Variants in GRID1 observed in about 807,000 individuals in gnomAD.
GRID1 encodes glutamate receptor ionotropic, delta-1.
A neutral mutation model predicts 98.0 loss-of-function variants in GRID1; 28 were observed. That is an observed-to-expected ratio of 0.29 (90% CI 0.21 to 0.39). The LOEUF is 0.39. Ranked by LOEUF, GRID1 falls within the 10% of genes least tolerant of loss-of-function variation. The pLI, the probability that GRID1 is intolerant of heterozygous loss-of-function variation, is 1.00. For synonymous variants in GRID1, 553 were observed against 538.5 expected (o/e 1.03, Z -0.37); for missense variants, 1,111 against 1,340.5 (o/e 0.83, Z 2.67).
At chr10:85,645,090 T>A (rs1843168873) in intron 13 of GRID1, among the ~76,000 whole-genome samples, 1 of 152,236 alleles carries the variant, frequency 6.6e-6, no homozygotes, top group Admixed American at 6.5e-5. Context: ...GTGACCTACC[T>A]TTCTATTTTA....
At chr10:86,043,883 G>A (rs1282583101) in intron 4 of GRID1, among the ~76,000 whole-genome samples, 1 of 152,182 alleles carries the variant, frequency 6.6e-6, no homozygotes, top group Non-Finnish European at 1.5e-5. Context: ...ATATGAGCAT[G>A]TGAGATTTCA....
At chr10:86,141,798 A>G (rs1188739805) in intron 3 of GRID1, among the ~76,000 whole-genome samples, 2 of 152,346 alleles carry the variant, frequency 1.3e-5, no homozygotes, top group South Asian at 2.1e-4. Context: ...TCATCACAGA[A>G]AGTCCTATTG....
intron 5 of GRID1, among the ~76,000 whole-genome samples, chr10:85,883,453 T>A (rs1351313996): frequency 6.6e-6 from 1 of 152,134 alleles, no homozygotes; most frequent in East Asian, 1.9e-4. Context: ...TCATGGTGAC[T>A]TTTTTCTTTC....
chr10:85,943,048 T>G (rs900750135), intron 4 of GRID1, among the ~76,000 whole-genome samples: 1 of 152,210 alleles, frequency 6.6e-6, no homozygotes, highest in Non-Finnish European at 1.5e-5. Flanking sequence ...AATCATTTGT[T>G]TCAAAAATAG....
At chr10:85,961,157 C>T (rs888221253) in intron 4 of GRID1, among the ~76,000 whole-genome samples, 7 of 152,096 alleles carry the variant, frequency 4.6e-5, no homozygotes, top group East Asian at 1.9e-4. Context: ...TTCACAGTAT[C>T]GCTCTGAGGA....
intron 4 of GRID1, among the ~76,000 whole-genome samples, chr10:86,112,101 A>G (rs1359344077): frequency 6.6e-6 from 1 of 152,164 alleles, no homozygotes; most frequent in Non-Finnish European, 1.5e-5. Context: ...ATGACTCAAC[A>G]CAGGAGTTGT....
intron 4 of GRID1, among the ~76,000 whole-genome samples, chr10:86,049,797 G>C (rs1843475515): frequency 6.6e-6 from 1 of 152,202 alleles, no homozygotes; most frequent in Non-Finnish European, 1.5e-5. Flanking sequence ...TTTGGGCTCT[G>C]CCTGCAACTC....
intron 2 of GRID1, among the ~76,000 whole-genome samples, chr10:86,248,869 C>T (rs923884110): frequency 6.6e-6 from 1 of 152,298 alleles, no homozygotes; most frequent in Non-Finnish European, 1.5e-5. Context: ...CTGGGCATGA[C>T]GATTCTTACC....
intron 4 of GRID1, among the ~76,000 whole-genome samples, chr10:86,083,289 G>T (rs564770253): frequency 2.6e-5 from 4 of 152,322 alleles, no homozygotes; most frequent in African/African-American, 9.6e-5. Flanking sequence ...AGGACTGGCG[G>T]GGAGAACTTG....
intron 13 of GRID1, among the ~76,000 whole-genome samples, chr10:85,626,359 G>A (rs532359802): frequency 6.6e-6 from 1 of 152,352 alleles, no homozygotes; most frequent in South Asian, 2.1e-4. Flanking sequence ...TTAGACTTAT[G>A]AAGTATGGAC....
At chr10:86,303,645 C>T (rs952571711) in intron 2 of GRID1, among the ~76,000 whole-genome samples, 3 of 152,254 alleles carry the variant, frequency 2.0e-5, no homozygotes, top group Admixed American at 2.0e-4. Flanking sequence ...ACCTAATGGA[C>T]ATCGCGTTGC....
chr10:85,773,129 T>C (rs1182935923), intron 8 of GRID1, among the ~76,000 whole-genome samples: 1 of 152,176 alleles, frequency 6.6e-6, no homozygotes, highest in East Asian at 1.9e-4. Context: ...TCCACCATGA[T>C]CAAGTGGGCT....
At chr10:85,826,540 G>T (rs1383622335) in intron 8 of GRID1, among the ~76,000 whole-genome samples, 2 of 151,988 alleles carry the variant, frequency 1.3e-5, no homozygotes, top group African/African-American at 2.4e-5. Context: ...GCGTAAGCAT[G>T]TGCCGGAATG....
chr10:86,227,544 AC>A (rs1846373458), intron 2 of GRID1, among the ~76,000 whole-genome samples: 1 of 151,304 alleles, frequency 6.6e-6, no homozygotes, highest in South Asian at 2.1e-4. Context: ...GCAGCCAGAG[AC>A]CCAGCCCCAA....
intron 4 of GRID1, among the ~76,000 whole-genome samples, chr10:86,114,657 C>G (rs769421472): frequency 1.3e-5 from 2 of 152,186 alleles, no homozygotes; most frequent in Non-Finnish European, 2.9e-5. Flanking sequence ...GTCTTTCCCT[C>G]TCCCCTGTCT....
chr10:85,608,383 C>A (rs1842696264), intron 15 of GRID1, among the ~76,000 whole-genome samples: 1 of 152,190 alleles, frequency 6.6e-6, no homozygotes. Flanking sequence ...GAATTAATCA[C>A]CTCTGACATG....
intron 2 of GRID1, among the ~76,000 whole-genome samples, chr10:86,318,309 G>A (rs77027629): frequency 0.012 from 1,881 of 152,330 alleles, 40 homozygotes; most frequent in African/African-American, 0.043. Context: ...TCTGCACATC[G>A]CATGTAACTC....
intron 2 of GRID1, among the ~76,000 whole-genome samples, chr10:86,253,421 T>C (rs1846867593): frequency 6.6e-6 from 1 of 152,238 alleles, no homozygotes; most frequent in Non-Finnish European, 1.5e-5. Context: ...GCCTCCTGAA[T>C]GTGTGCAGGG....
chr10:85,936,695 G>C (rs1841931795), intron 4 of GRID1, among the ~76,000 whole-genome samples: 1 of 152,048 alleles, frequency 6.6e-6, no homozygotes, highest in African/African-American at 2.4e-5. Context: ...ATGTTTTTTG[G>C]CATAAGGATC....
Sources: allele counts gnomAD v4.1 joint callset (sites outside exome capture counted in the v4.1 genomes callset), GRCh38; gene constraint gnomAD v4.1.1; transcripts MANE v1.5; gene names NCBI Gene and HGNC (gene_info 2026-07-23, HGNC 2026-07-21).